NKAIN2: variants seen among roughly 807,000 people sequenced by gnomAD.
The protein encoded by NKAIN2 is sodium/potassium-transporting ATPase subunit beta-1-interacting protein 2.
A neutral mutation model predicts 32.6 loss-of-function variants in NKAIN2; 14 were observed. The observed-to-expected ratio is 0.43, with a 90% CI of 0.28 to 0.67. NKAIN2 has a LOEUF of 0.67. Among genes scored for constraint, NKAIN2 ranks in the 30% least tolerant of loss-of-function variants. The pLI is 0.17. For missense variants in NKAIN2, 198 were observed against 258.3 expected (o/e 0.77, Z 1.60); for synonymous variants, 80 against 87.2 (o/e 0.92, Z 0.46).
intron 3 of NKAIN2, among the ~76,000 whole-genome samples, chr6:124,528,935 GA>G (rs1279260487): frequency 1.3e-5 from 2 of 152,102 alleles, no homozygotes; most frequent in Admixed American, 6.5e-5. Context: ...GTTTCAGTTA[GA>G]AACATTTATT....
intron 3 of NKAIN2, among the ~76,000 whole-genome samples, chr6:124,440,237 C>T (rs139933034): frequency 4.6e-5 from 7 of 152,124 alleles, no homozygotes; most frequent in East Asian, 3.9e-4. Context: ...CCACAGTATC[C>T]GCTATAGTCC....
chr6:124,588,648 T>C (rs562229971), intron 3 of NKAIN2, among the ~76,000 whole-genome samples: 4 of 152,292 alleles, frequency 2.6e-5, no homozygotes, highest in East Asian at 3.9e-4. Flanking sequence ...TGGGTCTATA[T>C]ATTCTTCTCA....
At chr6:123,926,989 C>T (rs1776033311) in intron 1 of NKAIN2, among the ~76,000 whole-genome samples, 1 of 152,158 alleles carries the variant, frequency 6.6e-6, no homozygotes, top group African/African-American at 2.4e-5. Context: ...GGATTCTTTA[C>T]AGTTAAGATA....
At chr6:124,381,188 G>A (rs1772618136) in intron 3 of NKAIN2, among the ~76,000 whole-genome samples, 1 of 152,144 alleles carries the variant, frequency 6.6e-6, no homozygotes, top group Non-Finnish European at 1.5e-5. Flanking sequence ...ATGTAAAGCA[G>A]TGTCACTCTT....
intron 3 of NKAIN2, among the ~76,000 whole-genome samples, chr6:124,375,208 G>C (rs1209276642): frequency 1.3e-5 from 2 of 151,716 alleles, no homozygotes; most frequent in African/African-American, 4.8e-5. Context: ...CCTAAAACAC[G>C]TGCTCCAGAT....
chr6:124,076,826 C>G (rs2114895409), intron 1 of NKAIN2, among the ~76,000 whole-genome samples: 1 of 152,282 alleles, frequency 6.6e-6, no homozygotes, highest in East Asian at 1.9e-4. Context: ...CACGCCCAGG[C>G]TCTCCTGTCT....
chr6:123,996,951 TATC>T (rs1225036833), intron 1 of NKAIN2, among the ~76,000 whole-genome samples: 1 of 152,202 alleles, frequency 6.6e-6, no homozygotes, highest in Non-Finnish European at 1.5e-5. Context: ...TACTTTTTGA[TATC>T]ATCATTTGAA....
chr6:124,576,048 G>A (rs191650131), intron 3 of NKAIN2, among the ~76,000 whole-genome samples: 12 of 152,238 alleles, frequency 7.9e-5, no homozygotes, highest in Non-Finnish European at 1.5e-4. Context: ...GGATTCACAT[G>A]AAGGAAAAAG....
intron 3 of NKAIN2, among the ~76,000 whole-genome samples, chr6:124,490,042 G>A (rs1326120890): frequency 6.6e-6 from 1 of 151,818 alleles, no homozygotes; most frequent in Non-Finnish European, 1.5e-5. Flanking sequence ...ATGGAATTGT[G>A]AGGGGACTTT....
At chr6:124,533,938 C>T (rs1242895419) in intron 3 of NKAIN2, among the ~76,000 whole-genome samples, 2 of 152,094 alleles carry the variant, frequency 1.3e-5, no homozygotes, top group African/African-American at 4.8e-5. Context: ...TTTATAAAGG[C>T]ACTACTCCCA....
At chr6:123,970,488 C>T (rs1778289434) in intron 1 of NKAIN2, among the ~76,000 whole-genome samples, 1 of 152,130 alleles carries the variant, frequency 6.6e-6, no homozygotes, top group Non-Finnish European at 1.5e-5. Flanking sequence ...CAGAATCAGC[C>T]TTTGACTTTG....
chr6:124,764,622 T>C (rs1778428016), intron 4 of NKAIN2, among the ~76,000 whole-genome samples: 1 of 152,184 alleles, frequency 6.6e-6, no homozygotes, highest in African/African-American at 2.4e-5. Context: ...CCTTCTGTTA[T>C]CACTCCTTGC....
intron 3 of NKAIN2, among the ~76,000 whole-genome samples, chr6:124,592,778 A>G (rs893672261): frequency 2.0e-5 from 3 of 152,118 alleles, no homozygotes; most frequent in African/African-American, 7.2e-5. Flanking sequence ...ATTAGGCATG[A>G]TCCTCTGCTT....
chr6:124,027,524 A>G (rs1361732875), intron 1 of NKAIN2, among the ~76,000 whole-genome samples: 1 of 152,124 alleles, frequency 6.6e-6, no homozygotes, highest in African/African-American at 2.4e-5. Flanking sequence ...TTAGTCTTGT[A>G]TATCAAAATA....
chr6:123,887,096 G>T (rs139683270), intron 1 of NKAIN2, among the ~76,000 whole-genome samples: 36 of 152,240 alleles, frequency 2.4e-4, no homozygotes, highest in African/African-American at 8.2e-4. Context: ...CTATTTTGTA[G>T]TTAGTGGGTC....
intron 1 of NKAIN2, among the ~76,000 whole-genome samples, chr6:124,181,289 T>A (rs931623143): frequency 2.0e-5 from 3 of 151,722 alleles, no homozygotes; most frequent in African/African-American, 7.3e-5. Flanking sequence ...ATCATTTTTT[T>A]CCTCCTAGGC....
chr6:124,566,611 G>T (rs762668969), intron 3 of NKAIN2, among the ~76,000 whole-genome samples: 1 of 152,038 alleles, frequency 6.6e-6, no homozygotes, highest in Non-Finnish European at 1.5e-5. Flanking sequence ...ATATTAATGG[G>T]CACTATGCAA....
intron 4 of NKAIN2, among the ~76,000 whole-genome samples, chr6:124,708,468 C>G (rs1429952462): frequency 6.6e-6 from 1 of 152,040 alleles, no homozygotes; most frequent in Non-Finnish European, 1.5e-5. Flanking sequence ...TTCTTCCTAC[C>G]CATGAGCATG....
chr6:124,116,247 G>A (rs1562366848), intron 1 of NKAIN2, among the ~76,000 whole-genome samples: 2 of 149,726 alleles, frequency 1.3e-5, no homozygotes, highest in African/African-American at 2.4e-5. Flanking sequence ...TACTCCACCT[G>A]GGGTTCCTTC....
Sources: gnomAD v4.1 joint callset for allele counts (sites outside exome capture counted in the v4.1 genomes callset) on GRCh38, gnomAD v4.1.1 for gene constraint, MANE v1.5 for transcripts, NCBI Gene and HGNC (gene_info 2026-07-23, HGNC 2026-07-21) for gene names.